Variants in A1CF observed in about 807,000 individuals in gnomAD.
The protein encoded by A1CF is APOBEC-1 stimulating protein.
Under a neutral mutation model 68.9 loss-of-function variants are expected in A1CF, and 48 were observed. The ratio of observed to expected loss-of-function variants is 0.70; its 90% CI spans 0.55 to 0.89. The LOEUF (loss-of-function observed/expected upper bound fraction) is 0.89. A1CF is among the 40% of genes least tolerant of loss of function. A1CF has a pLI of 0.00. For missense variants in A1CF, 653 were observed against 718.9 expected (o/e 0.91, Z 1.05); for synonymous variants, 272 against 260.4 (o/e 1.04, Z -0.43).
intron 1 of A1CF, among the ~76,000 whole-genome samples, chr10:50,865,045 A>G (rs1840922596): frequency 6.6e-6 from 1 of 152,194 alleles, no homozygotes; most frequent in Non-Finnish European, 1.5e-5. Context: ...TAATTCCAGC[A>G]ATTTGGGAGG....
intron 10 of A1CF, among the ~76,000 whole-genome samples, chr10:50,812,163 CT>C (rs1380827529): frequency 5.3e-5 from 8 of 152,226 alleles, no homozygotes; most frequent in African/African-American, 1.9e-4. Context: ...CTCTACAGTT[CT>C]TGGGCAATAA....
intron 7 of A1CF, among the ~76,000 whole-genome samples, chr10:50,821,099 A>G (rs772146227): frequency 6.6e-5 from 10 of 152,340 alleles, no homozygotes; most frequent in Non-Finnish European, 1.2e-4. Flanking sequence ...TTACTTTTAA[A>G]AATTTAAATA....
At chr10:50,874,908 C>T (rs1330549711) in intron 1 of A1CF, among the ~76,000 whole-genome samples, 1 of 152,168 alleles carries the variant, frequency 6.6e-6, no homozygotes, top group Non-Finnish European at 1.5e-5. Flanking sequence ...CATCATCTTA[C>T]CCTCCCGGAA....
At chr10:50,820,504 AC>A (rs767091819) in intron 8 of A1CF, 47 bp downstream of exon 8, 1 of 1,556,040 alleles carries the variant, frequency 6.4e-7, no homozygotes, top group Non-Finnish European at 8.8e-7. Context: ...TAATATCCAC[AC>A]CAAACTTGGA....
In A1CF at chr10:50,802,232, A is replaced by C. The variant is rs572450377; in HGVS notation, c.*4497T>G. 6.6e-6 allele frequency: 1 copy of C among 152,312 alleles called. No individual in the cohort carries two copies. The highest frequency in any genetic ancestry group is 6.5e-5 in the Admixed American group (1 of 15,294). 9.4% of individuals were successfully genotyped at this position (152,312 alleles called of 1,614,324 possible). ...TGGTAGATACATTACACTTTCTATG[A>C]ATATGTTCTAGTAAAATTCAGAGCA... is the stretch of plus-strand genomic sequence containing the variant. On this transcript the variant is annotated 3_prime_UTR_variant, in exon 13 of 13. Transcript: ENST00000373997.
rs376337037 is a variant in A1CF at position 50,849,228 on chromosome 10, T to C, written c.100-5106A>G. Among the ~76,000 whole-genome samples, 53 of 152,312 alleles carry C rather than the reference T, an allele frequency of 3.5e-4. 2 individuals carry two copies. In the South Asian group the frequency reaches 9.9e-3, roughly 29 times the overall value. On this transcript the variant is annotated intron_variant, in intron 3 of 12. Transcript: ENST00000373997. The stretch of plus-strand genomic sequence containing the variant: ...GCAGGGAATATTCATTTCTAAATTG[T>C]ATATAAAATAATTATCTATTTTGTA...
chr10:50,856,823 G>A lies in A1CF; in HGVS notation c.99+3019C>T, dbSNP rs139167721. 6.0e-3 allele frequency among the ~76,000 whole-genome samples: 906 copies of A among 152,052 alleles called. 7 individuals carry two copies. The highest frequency in any genetic ancestry group is 0.02 in the African/African-American group (848 of 41,522). On this transcript the variant is annotated intron_variant, in intron 3 of 12. Transcript: ENST00000373997. The stretch of plus-strand genomic sequence containing the variant: ...CTTGTGGTCTAGGTCCTTATTATAA[G>A]CATTTTCTGAATATCATTTAATAGA...
At chr10:50,838,392 A>T (rs1207589996) in intron 5 of A1CF, among the ~76,000 whole-genome samples, 1 of 152,220 alleles carries the variant, frequency 6.6e-6, no homozygotes, top group African/African-American at 2.4e-5. Context: ...AACTTTACTT[A>T]AAAAAGAAAA....
intron 12 of A1CF, 88 bp from the exon 13 acceptor site, chr10:50,806,968 T>A: frequency 1.5e-6 from 2 of 1,334,116 alleles, no homozygotes; most frequent in East Asian, 4.7e-5. Context: ...AATACGAACA[T>A]TTAACATATT....
In A1CF at chr10:50,850,815, G is replaced by A. The variant is rs768025109; in HGVS notation, c.100-6693C>T. The A allele has an allele frequency of 1.7e-5, 28 of 1,606,676 alleles. No homozygotes were observed. In the Admixed American group the frequency reaches 3.1e-4, roughly 18 times the overall value. ...ATAGGAACCTCTAAATTCCTTTCAA[G>A]AAGTAATTAGGTGACAGCTTTAGTC... On this transcript the variant is annotated intron_variant, in intron 3 of 12. Transcript: ENST00000373997.
Position 50,802,503 on chromosome 10 carries a change from AATAT to A in A1CF, c.*4222_*4225del, listed in dbSNP as rs549384923. 2 of 152,336 alleles carry A rather than the reference AATAT, an allele frequency of 1.3e-5. No homozygotes were observed. Among genetic ancestry groups the A allele is most frequent in the South Asian group, 4.1e-4 (2 of 4,828 alleles). 9.4% of individuals were successfully genotyped at this position (152,336 alleles called of 1,614,324 possible). A position where few individuals can be genotyped will look rare whatever the true frequency, so the allele number is the denominator to read the frequency against. The stretch of plus-strand genomic sequence containing the variant: ...TTTTATCTTTAACAGATGTATTTAC[AATAT>A]ATGAAAGTGTATCTACAATACATAA... On this transcript the variant is annotated 3_prime_UTR_variant, in exon 13 of 13. Transcript: ENST00000373997.
intron 8 of A1CF, among the ~76,000 whole-genome samples, chr10:50,817,675 G>C (rs1316151296): frequency 2.0e-5 from 3 of 152,192 alleles, no homozygotes; most frequent in Non-Finnish European, 4.4e-5. Flanking sequence ...TGAGGAAGAT[G>C]AGAGACCCAA....
At chr10:50,844,807 A>G (rs901236051) in intron 3 of A1CF, among the ~76,000 whole-genome samples, 6 of 152,188 alleles carry the variant, frequency 3.9e-5, no homozygotes, top group African/African-American at 1.4e-4. Context: ...GCCTTTTCAA[A>G]TATTTTTCTA....
intron 3 of A1CF, among the ~76,000 whole-genome samples, chr10:50,849,631 G>A (rs1034021889): frequency 5.7e-4 from 87 of 152,124 alleles, no homozygotes; most frequent in Non-Finnish European, 8.5e-4. Flanking sequence ...ATGGTTTATA[G>A]GTCAGTATTT....
In A1CF at chr10:50,841,945, G is replaced by A. The variant is rs1466858342; in HGVS notation, c.282C>T (p.Asn94=). ...EMRMMMDFNG[N]NRGYAFVTFS... ...ATGTTACAAATGCATATCCTCTATT[G>A]TTGCCATTAAAATCCATCATCATTC... The change falls in exon 5 of 13, where the codon AAC becomes AAT. Residue 94 remains asparagine, a synonymous_variant. Coordinates refer to ENST00000373997, the MANE Select transcript of A1CF (RefSeq NM_014576.4). 35 of 1,611,980 alleles carry A rather than the reference G, an allele frequency of 2.2e-5. No homozygotes were observed. The highest frequency in any genetic ancestry group is 2.9e-5 in the Non-Finnish European group (34 of 1,178,848).
intron 1 of A1CF, among the ~76,000 whole-genome samples, chr10:50,883,286 T>C (rs1433276025): frequency 2.0e-5 from 3 of 152,190 alleles, no homozygotes; most frequent in African/African-American, 7.2e-5. Flanking sequence ...TCTCCTTTGC[T>C]TTATCATCTA....
chr10:50,847,807 G>A (rs1840066067), intron 3 of A1CF, among the ~76,000 whole-genome samples: 1 of 152,074 alleles, frequency 6.6e-6, no homozygotes, highest in African/African-American at 2.4e-5. Flanking sequence ...GCCACAAATG[G>A]TGCAAACTTT....
At chr10:50,858,047 G>A (rs1034861501) in intron 3 of A1CF, among the ~76,000 whole-genome samples, 5 of 152,088 alleles carry the variant, frequency 3.3e-5, no homozygotes, top group African/African-American at 9.7e-5. Context: ...CTTCAATCAG[G>A]AGTCAGAAAT....
rs16909340 is a variant in A1CF, at chr10:50,811,909, T to G, written c.1324-733A>C. On this transcript the variant is annotated intron_variant, in intron 10 of 12. Coordinates refer to ENST00000373997, the MANE Select transcript of A1CF (RefSeq NM_014576.4). Reference sequence around the variant, plus strand: ...TTGTCCAGAGGTCCTGATGCTCTCGTTAGTCAGCAGATTCAGTAGACTGTG... The same window carrying G: ...TTGTCCAGAGGTCCTGATGCTCTCGGTAGTCAGCAGATTCAGTAGACTGTG... 8.0e-3 allele frequency among the ~76,000 whole-genome samples: 1,214 copies of G among 152,340 alleles called. 24 individuals are homozygous for G. The highest frequency in any genetic ancestry group is 0.028 in the African/African-American group (1,147 of 41,586).
Sources: gnomAD v4.1 joint callset for allele counts (sites outside exome capture counted in the v4.1 genomes callset) on GRCh38, gnomAD v4.1.1 for gene constraint, MANE v1.5 for transcripts, NCBI Gene and HGNC (gene_info 2026-07-23, HGNC 2026-07-21) for gene names.